NR5A2: variants seen among roughly 807,000 people sequenced by gnomAD.
NR5A2 encodes nuclear receptor subfamily 5 group A member 2.
Under a neutral mutation model 62.7 loss-of-function variants are expected in NR5A2, and 26 were observed. The observed-to-expected ratio is 0.41, with a 90% CI of 0.30 to 0.58. The LOEUF (loss-of-function observed/expected upper bound fraction) is 0.58. NR5A2 is among the 20% of genes least tolerant of loss of function. NR5A2 has a pLI of 0.22. For synonymous variants in NR5A2, 246 were observed against 241.7 expected (o/e 1.02, Z -0.16); for missense variants, 541 against 669.1 (o/e 0.81, Z 2.11).
intron 7 of NR5A2, among the ~76,000 whole-genome samples, chr1:200,134,527 G>A (rs983269094): frequency 1.3e-5 from 2 of 152,100 alleles, no homozygotes; most frequent in Admixed American, 6.6e-5. Flanking sequence ...CACATATCCC[G>A]GGTGTGTAGT....
chr1:200,073,950 G>A (rs1313895219), intron 5 of NR5A2, among the ~76,000 whole-genome samples: 1 of 152,152 alleles, frequency 6.6e-6, no homozygotes, highest in Non-Finnish European at 1.5e-5. Context: ...ACACAGGGCA[G>A]AGCTTTTCTG....
chr1:200,080,496 G>C (rs114299312), intron 5 of NR5A2, among the ~76,000 whole-genome samples: 1,588 of 152,220 alleles, frequency 0.01, 30 homozygotes, highest in African/African-American at 0.036. Flanking sequence ...TTGTCAGAGA[G>C]AGAATGCTTA....
chr1:200,102,487 C>A (rs1246587946), intron 5 of NR5A2, among the ~76,000 whole-genome samples: 4 of 152,156 alleles, frequency 2.6e-5, no homozygotes, highest in African/African-American at 9.7e-5. Context: ...CTATCATGTT[C>A]ATTTCCCAAC....
intron 6 of NR5A2, among the ~76,000 whole-genome samples, chr1:200,113,445 T>G (rs1002610201): frequency 5.3e-5 from 8 of 152,250 alleles, no homozygotes; most frequent in Admixed American, 2.6e-4. Flanking sequence ...CAAAACGTTT[T>G]GAATTTATCT....
Position 200,045,222 on chromosome 1 carries a change from C to T in NR5A2, c.322-221C>T, listed in dbSNP as rs186540206. On this transcript the variant is annotated intron_variant, in intron 3 of 7. Coordinates refer to ENST00000367362, the MANE Select transcript of NR5A2 (RefSeq NM_205860.3). ...GTAGCCAAATCTCCCCAGGATTTGA[C>T]GTAATTCTTCAAGAATAAAACTGAT... 7.1e-4 allele frequency among the ~76,000 whole-genome samples: 108 copies of T among 152,162 alleles called. 1 individual carries two copies. The highest frequency in any genetic ancestry group is 6.1e-3 in the Admixed American group (94 of 15,286).
intron 7 of NR5A2, among the ~76,000 whole-genome samples, chr1:200,154,051 A>T (rs1227949288): frequency 3.3e-5 from 5 of 152,228 alleles, no homozygotes; most frequent in African/African-American, 1.2e-4. Flanking sequence ...TATGCAAATT[A>T]TGGTAAGAAA....
intron 7 of NR5A2, among the ~76,000 whole-genome samples, chr1:200,125,539 G>A (rs1007295579): frequency 6.6e-6 from 1 of 152,164 alleles, no homozygotes; most frequent in Non-Finnish European, 1.5e-5. Flanking sequence ...GTCCTCACCA[G>A]CCTGTCACCT....
intron 7 of NR5A2, among the ~76,000 whole-genome samples, chr1:200,128,779 G>A (rs1157207662): frequency 1.3e-5 from 2 of 152,234 alleles, no homozygotes; most frequent in Non-Finnish European, 2.9e-5. Context: ...CCGCTTTCCT[G>A]AAGGGTTCAA....
chr1:200,147,799 G>A lies in NR5A2; in HGVS notation c.1379-26164G>A, dbSNP rs903700693. On this transcript the variant is annotated intron_variant, in intron 7 of 7. Coordinates refer to ENST00000367362, the MANE Select transcript of NR5A2 (RefSeq NM_205860.3). This position sits in a 1 kb window ranked among gnomAD's most constrained non-coding sequence, Gnocchi z 4.9. The stretch of plus-strand genomic sequence containing the variant: ...ACGGATGCCGGCACGGTGGGCAGCC[G>A]CCGTGGCGTCCAGCACCAGGTCCTG... 2.5e-5 allele frequency: 12 copies of A among 485,514 alleles called. No homozygotes were observed. The highest frequency in any genetic ancestry group is 1.4e-4 in the East Asian group (3 of 22,156). 30.1% of individuals were successfully genotyped at this position (485,514 alleles called of 1,614,324 possible).
intron 7 of NR5A2, among the ~76,000 whole-genome samples, chr1:200,165,147 G>T (rs1329201078): frequency 1.3e-5 from 2 of 152,082 alleles, no homozygotes; most frequent in African/African-American, 4.8e-5. Context: ...AAAGTGCTGG[G>T]ATTACAGGCG....
At chr1:200,122,447 A>G (rs1302817269) in intron 7 of NR5A2, among the ~76,000 whole-genome samples, 1 of 152,204 alleles carries the variant, frequency 6.6e-6, no homozygotes, top group Non-Finnish European at 1.5e-5. Context: ...GGTATTTTAA[A>G]TTAGTTGAAG....
chr1:200,118,179 G>A (rs1393365668), intron 6 of NR5A2, among the ~76,000 whole-genome samples: 1 of 150,068 alleles, frequency 6.7e-6, no homozygotes, highest in Admixed American at 6.7e-5. Context: ...ACCACGCCCA[G>A]CTAATTTCTG....
intron 5 of NR5A2, among the ~76,000 whole-genome samples, chr1:200,063,540 A>G (rs754529925): frequency 6.6e-5 from 10 of 152,160 alleles, no homozygotes; most frequent in African/African-American, 9.7e-5. Context: ...ACCATTGAGA[A>G]TTGCTTTTAT....
chr1:200,041,630 C>T (rs1662088093), intron 2 of NR5A2, among the ~76,000 whole-genome samples: 1 of 152,202 alleles, frequency 6.6e-6, no homozygotes, highest in African/African-American at 2.4e-5. Context: ...GTTCTTCTTT[C>T]CCTAGACCGA....
chr1:200,046,238 C>G (rs533942162), intron 4 of NR5A2, among the ~76,000 whole-genome samples: 69 of 152,240 alleles, frequency 4.5e-4, no homozygotes, highest in African/African-American at 1.3e-3. Context: ...GAAAGTGGCT[C>G]CTGAAAAGCC....
At chr1:200,073,923 C>T (rs779777196) in intron 5 of NR5A2, among the ~76,000 whole-genome samples, 19 of 152,060 alleles carry the variant, frequency 1.2e-4, no homozygotes, top group Non-Finnish European at 8.8e-5. Context: ...ATAACAGAGA[C>T]GATAGCTGTT....
intron 5 of NR5A2, among the ~76,000 whole-genome samples, chr1:200,080,122 G>A (rs1316184426): frequency 6.6e-6 from 1 of 152,104 alleles, no homozygotes; most frequent in Non-Finnish European, 1.5e-5. Context: ...CAGACAGTTG[G>A]AAAAAGGTGC....
intron 1 of NR5A2, among the ~76,000 whole-genome samples, chr1:200,034,161 G>A (rs1406541831): frequency 6.6e-6 from 1 of 152,184 alleles, no homozygotes; most frequent in East Asian, 1.9e-4. Context: ...TGTAAAGGAT[G>A]CAACTGCAAG....
At chr1:200,120,187 A>G (rs568368837) in intron 6 of NR5A2, among the ~76,000 whole-genome samples, 36 of 152,306 alleles carry the variant, frequency 2.4e-4, no homozygotes, top group African/African-American at 8.4e-4. Flanking sequence ...TTCATCATCC[A>G]CAAACATCCA....
Sources: allele counts gnomAD v4.1 joint callset (sites outside exome capture counted in the v4.1 genomes callset), GRCh38; gene constraint gnomAD v4.1.1; non-coding constraint Gnocchi (gnomAD v3.1); transcripts MANE v1.5; gene names NCBI Gene and HGNC (gene_info 2026-07-23, HGNC 2026-07-21).